HAS3: variants seen among roughly 807,000 people sequenced by gnomAD.
The protein encoded by HAS3 is HA synthase 3.
A neutral mutation model predicts 50.3 loss-of-function variants in HAS3; 27 were observed. The ratio of observed to expected loss-of-function variants is 0.54; its 90% CI spans 0.40 to 0.74. The LOEUF is 0.74. Among genes scored for constraint, HAS3 ranks in the 30% least tolerant of loss-of-function variants. The pLI, the probability that HAS3 is intolerant of heterozygous loss-of-function variation, is 0.00. For missense variants in HAS3, 517 were observed against 742.8 expected (o/e 0.70, Z 3.53); for synonymous variants, 339 against 310.9 (o/e 1.09, Z -0.95).
intron 2 of HAS3, among the ~76,000 whole-genome samples, chr16:69,111,209 T>A: frequency 7.6e-6 from 1 of 131,758 alleles, no homozygotes; most frequent in Non-Finnish European, 1.6e-5. Context: ...TAGCTGGGAT[T>A]ACAGGTGTGC....
At chr16:69,113,280 C>T (rs1036015868) in intron 2 of HAS3, among the ~76,000 whole-genome samples, 161 bp from the exon 3 acceptor site, 9 of 152,196 alleles carry the variant, frequency 5.9e-5, no homozygotes, top group Admixed American at 4.6e-4. Context: ...CATTTTACCT[C>T]TGGCACCTTC....
the HAS3 span, among the ~76,000 whole-genome samples, chr16:69,090,111 A>C: frequency 6.6e-6 from 1 of 152,106 alleles, no homozygotes; most frequent in Non-Finnish European, 1.5e-5. Flanking sequence ...CTTCCCACAA[A>C]GTGAGTACAG....
At chr16:69,085,298 A>G in the HAS3 span, 1 of 152,338 alleles carries the variant, frequency 6.6e-6, no homozygotes, top group Non-Finnish European at 1.5e-5. Context: ...ATCCTGATTG[A>G]CCACCTTGAT....
chr16:69,105,985 A>T (rs1395300038), intron 1 of HAS3, among the ~76,000 whole-genome samples, 198 bp downstream of exon 1: 1 of 152,186 alleles, frequency 6.6e-6, no homozygotes, highest in Non-Finnish European at 1.5e-5. Flanking sequence ...CGGGGGACCC[A>T]GCTTCGGAGA....
At chr16:69,086,373 A>C in the HAS3 span, among the ~76,000 whole-genome samples, 9 of 151,982 alleles carry the variant, frequency 5.9e-5, no homozygotes, top group Non-Finnish European at 1.2e-4. Context: ...TATGTTGCCC[A>C]GGCTGGTCTT....
the HAS3 span, among the ~76,000 whole-genome samples, chr16:69,090,852 T>A: frequency 6.6e-6 from 1 of 152,128 alleles, no homozygotes; most frequent in African/African-American, 2.4e-5. Context: ...GGATTACAGG[T>A]GTGAACCACT....
chr16:69,089,212 C>T, the HAS3 span, among the ~76,000 whole-genome samples: 5 of 152,232 alleles, frequency 3.3e-5, no homozygotes, highest in Non-Finnish European at 5.9e-5. Flanking sequence ...TCTCACCCAA[C>T]TGTTTGCCGC....
chr16:69,086,117 CTCGGTTTCCTAAAGTGT>C, the HAS3 span, among the ~76,000 whole-genome samples: 1 of 151,670 alleles, frequency 6.6e-6, no homozygotes, highest in South Asian at 2.1e-4. Flanking sequence ...ATCCTCCTTA[CTCGGTTTCCTAAAGTGT>C]TGGGATTACA....
chr16:69,096,194 C>T, the HAS3 span, among the ~76,000 whole-genome samples: 5 of 124,540 alleles, frequency 4.0e-5, no homozygotes, highest in Admixed American at 1.9e-4. Context: ...CCAGCCTGGG[C>T]GACGGAGTCA....
In HAS3 at chr16:69,114,686, A is replaced by C; in HGVS notation, c.1082A>C (p.Tyr361Ser). 1 of 1,614,054 alleles carries C rather than the reference A, an allele frequency of 6.2e-7. No individual in the cohort carries two copies. Among genetic ancestry groups the C allele is most frequent in the Non-Finnish European group, 8.5e-7 (1 of 1,180,008 alleles). The change falls in exon 4 of 4, where the codon TAC becomes TCC. Residue 361 changes from tyrosine to serine, a missense_variant. By Grantham distance (144) the Tyr-to-Ser change is moderately radical. Transcript: ENST00000569188. The surrounding 1 kb of genome is among the most constrained non-coding windows in gnomAD (Gnocchi z 6.4). The stretch of plus-strand genomic sequence containing the variant: ...CAGCAAACCCGCTGGAGCAAGTCTT[A>C]CTTCCGGGAGTGGCTCTACAACTCT... ...LNQQTRWSKSYFREWLYNSLW... is the reference protein window; with the variant it reads ...LNQQTRWSKSSFREWLYNSLW...
At chr16:69,100,290 A>G in the HAS3 span, among the ~76,000 whole-genome samples, 1 of 152,188 alleles carries the variant, frequency 6.6e-6, no homozygotes, top group African/African-American at 2.4e-5. Context: ...ATTAACTAGC[A>G]TTGCAGCTGA....
chr16:69,112,841 G>T (rs1430600979), intron 2 of HAS3, among the ~76,000 whole-genome samples: 1 of 152,224 alleles, frequency 6.6e-6, no homozygotes, highest in Non-Finnish European at 1.5e-5. Flanking sequence ...CCTATTCAGA[G>T]CAGCCTCCAG....
the HAS3 span, among the ~76,000 whole-genome samples, chr16:69,090,307 G>GC: frequency 6.6e-6 from 1 of 152,142 alleles, no homozygotes; most frequent in Non-Finnish European, 1.5e-5. Flanking sequence ...GGTACAGCCC[G>GC]CAGGTACAAT....
At chr16:69,103,605 C>T (rs1179927154), upstream of HAS3, among the ~76,000 whole-genome samples, 1 of 152,064 alleles carries the variant, frequency 6.6e-6, no homozygotes, top group Non-Finnish European at 1.5e-5. Context: ...CCATGTTGGC[C>T]AGGCTGGTCT....
the HAS3 span, among the ~76,000 whole-genome samples, chr16:69,094,301 C>T: frequency 6.6e-6 from 1 of 152,146 alleles, no homozygotes; most frequent in African/African-American, 2.4e-5. Context: ...AACAAAGCAG[C>T]CTGCTCTGCA....
At chr16:69,102,367 T>A (rs984096388), upstream of HAS3, among the ~76,000 whole-genome samples, 5 of 152,300 alleles carry the variant, frequency 3.3e-5, no homozygotes, top group South Asian at 2.1e-4. Flanking sequence ...AAATCCCCAG[T>A]GGTAAGCAGA....
At chr16:69,097,049 G>T in the HAS3 span, among the ~76,000 whole-genome samples, 1 of 152,128 alleles carries the variant, frequency 6.6e-6, no homozygotes, top group Admixed American at 6.5e-5. Context: ...CTATTTAGGA[G>T]GCTAAGGTGG....
At chr16:69,099,524 C>T in the HAS3 span, among the ~76,000 whole-genome samples, 1 of 151,560 alleles carries the variant, frequency 6.6e-6, no homozygotes, top group Non-Finnish European at 1.5e-5. Flanking sequence ...GGTGGGGTTT[C>T]ACCATGTTGA....
In HAS3 at chr16:69,106,244, G is replaced by C. The variant is rs1960787483; in HGVS notation, c.-1+457G>C. ...GGCAGTCGGAGCGCGCGGCGGCGCGGAGCGGAGCGGGAGGAGGGGCATGGA... is the reference window on the plus strand; with the variant it reads ...GGCAGTCGGAGCGCGCGGCGGCGCGCAGCGGAGCGGGAGGAGGGGCATGGA... On this transcript the variant is annotated intron_variant, in intron 1 of 3. Coordinates refer to ENST00000569188, the MANE Select transcript of HAS3 (RefSeq NM_001199280.2). The surrounding 1 kb of genome is among the most constrained non-coding windows in gnomAD (Gnocchi z 5.5). The C allele has an allele frequency of 6.6e-6, 1 of 151,888 alleles. No homozygotes were observed. Among genetic ancestry groups the C allele is most frequent in the Admixed American group, 6.6e-5 (1 of 15,196 alleles). The allele number at this position is 151,888 out of a possible 1,614,324, so 9.4% of individuals were successfully genotyped here.
Sources: allele counts gnomAD v4.1 joint callset (sites outside exome capture counted in the v4.1 genomes callset), GRCh38; gene constraint gnomAD v4.1.1; non-coding constraint Gnocchi (gnomAD v3.1); transcripts MANE v1.5; gene names NCBI Gene and HGNC (gene_info 2026-07-23, HGNC 2026-07-21).